Variants in LMNB1 observed in about 807,000 individuals in gnomAD.
LMNB1 encodes the protein lamin B1.
In LMNB1, 23 loss-of-function variants were observed where a neutral mutation model predicts 67.1. That is an observed-to-expected ratio of 0.34 (90% confidence interval 0.25 to 0.49). The LOEUF (loss-of-function observed/expected upper bound fraction) is 0.49. Ranked by LOEUF, LMNB1 falls within the 20% of genes least tolerant of loss-of-function variation. The pLI, the probability that LMNB1 is intolerant of heterozygous loss-of-function variation, is 0.99. For missense variants in LMNB1, 634 were observed against 746.5 expected (o/e 0.85, Z 1.76); for synonymous variants, 281 against 282.9 (o/e 0.99, Z 0.07).
In LMNB1 at chr5:126,836,553, T is replaced by C; in HGVS notation, c.*289T>C. 3.1e-6 allele frequency: 1 copy of C among 322,456 alleles called. No individual in the cohort carries two copies. The highest frequency in any genetic ancestry group is 1.3e-4 in the South Asian group (1 of 7,660). The allele number at this position is 322,456 out of a possible 1,614,324, so 20.0% of individuals were successfully genotyped here. On this transcript the variant is annotated 3_prime_UTR_variant, in exon 11 of 11. Transcript: ENST00000261366. ...ACTTTTTTTGTATGTGTGTTTTTTCTTTTTTTTTAAGTTCTTATGAGGAGG... is the reference window on the plus strand; with the variant it reads ...ACTTTTTTTGTATGTGTGTTTTTTCCTTTTTTTTAAGTTCTTATGAGGAGG...
At chr5:126,806,749 T>C (rs1751441962) in intron 3 of LMNB1, among the ~76,000 whole-genome samples, 1 of 152,048 alleles carries the variant, frequency 6.6e-6, no homozygotes, top group Non-Finnish European at 1.5e-5. Context: ...CATCTGGAAA[T>C]GCGGCTACTC....
chr5:126,784,153 TA>T (rs1296518716), intron 1 of LMNB1, among the ~76,000 whole-genome samples: 1 of 148,562 alleles, frequency 6.7e-6, no homozygotes. Flanking sequence ...GCCTCCCAAG[TA>T]GCTGGGATTA....
intron 1 of LMNB1, among the ~76,000 whole-genome samples, chr5:126,796,953 T>A (rs1023372941): frequency 6.6e-6 from 1 of 152,128 alleles, no homozygotes; most frequent in Non-Finnish European, 1.5e-5. Flanking sequence ...CATGTCCGGC[T>A]AATTTTTGTA....
At chr5:126,819,251 A>G (rs951479732) in intron 6 of LMNB1, 109 bp downstream of exon 6, 15 of 720,740 alleles carry the variant, frequency 2.1e-5, no homozygotes, top group Non-Finnish European at 3.2e-5. Context: ...TTTCTTGGTC[A>G]TTTCTTTGAA....
At chr5:126,794,572 C>T (rs769338052) in intron 1 of LMNB1, among the ~76,000 whole-genome samples, 30 of 152,114 alleles carry the variant, frequency 2.0e-4, no homozygotes, top group South Asian at 1.0e-3. Flanking sequence ...TCCCCAGACA[C>T]GGATTTGTGT....
At chr5:126,779,637 G>A (rs549414829) in intron 1 of LMNB1, among the ~76,000 whole-genome samples, 24 of 152,310 alleles carry the variant, frequency 1.6e-4, no homozygotes, top group Non-Finnish European at 2.8e-4. Context: ...GGTGGCTCAC[G>A]CCTGTAATCC....
At position 126,789,649 on chromosome 5, in the gene LMNB1, A is replaced by C. The variant is rs184947606; in HGVS notation, c.359+11782A>C. On this transcript the variant is annotated intron_variant, in intron 1 of 10. Coordinates refer to ENST00000261366, the MANE Select transcript of LMNB1 (RefSeq NM_005573.4). ...GTCCCGTTTACTGTGATCCTCTTAA[A>C]ATAGGGACTTTGCATTTGGAGTTTC... 1.8e-4 allele frequency among the ~76,000 whole-genome samples: 28 copies of C among 152,190 alleles called. 1 individual carries two copies. Among genetic ancestry groups the C allele is most frequent in the African/African-American group, 6.3e-4 (26 of 41,518 alleles).
At chr5:126,815,623 T>A (rs529399953) in intron 5 of LMNB1, among the ~76,000 whole-genome samples, 2 of 152,304 alleles carry the variant, frequency 1.3e-5, no homozygotes, top group African/African-American at 4.8e-5. Context: ...AGTGGCAAGA[T>A]CTGAGAGATC....
chr5:126,815,855 C>A (rs1410652950), intron 5 of LMNB1, among the ~76,000 whole-genome samples: 2 of 152,104 alleles, frequency 1.3e-5, no homozygotes, highest in Non-Finnish European at 2.9e-5. Flanking sequence ...CAGAATGATT[C>A]AGAGTAACTT....
At chr5:126,784,372 T>C (rs1219270513) in intron 1 of LMNB1, among the ~76,000 whole-genome samples, 1 of 149,538 alleles carries the variant, frequency 6.7e-6, no homozygotes, top group Non-Finnish European at 1.5e-5. Flanking sequence ...TTTTATTTTT[T>C]TGAGGCAGGG....
At chr5:126,793,596 C>G (rs1289532811) in intron 1 of LMNB1, among the ~76,000 whole-genome samples, 1 of 152,248 alleles carries the variant, frequency 6.6e-6, no homozygotes, top group Middle Eastern at 3.4e-3. Context: ...ATCACAAGGC[C>G]GGGCATGGTG....
Position 126,777,684 on chromosome 5 carries a change from C to CGCTGCA in LMNB1, c.184_189dup (p.Leu62_Gln63dup). On this transcript the variant is annotated inframe_insertion, in exon 1 of 11. Transcript: ENST00000261366. ...CGCAGCCTGGAGACGGAGAACAGCG[C>CGCTGCA]GCTGCAGCTGCAGGTGACGGAGCGC... The CGCTGCA allele has an allele frequency of 6.5e-7, 1 of 1,545,328 alleles. No homozygotes were observed. Among genetic ancestry groups the CGCTGCA allele is most frequent in the South Asian group, 1.2e-5 (1 of 83,516 alleles).
At chr5:126,799,087 G>A (rs928033294) in intron 1 of LMNB1, among the ~76,000 whole-genome samples, 1 of 147,214 alleles carries the variant, frequency 6.8e-6, no homozygotes, top group African/African-American at 2.5e-5. Context: ...GCGCAATCTC[G>A]GCTCACTGCA....
intron 4 of LMNB1, among the ~76,000 whole-genome samples, chr5:126,810,737 C>T (rs1225258647): frequency 6.6e-6 from 1 of 152,222 alleles, no homozygotes; most frequent in Non-Finnish European, 1.5e-5. Flanking sequence ...CATTAGATCT[C>T]ACTTTCATGT....
chr5:126,777,642 T>C lies in LMNB1; in HGVS notation c.134T>C (p.Val45Ala), dbSNP rs1431916973. 6.5e-7 allele frequency: 1 copy of C among 1,543,150 alleles called. No homozygotes were observed. Among genetic ancestry groups the C allele is most frequent in the Non-Finnish European group, 8.7e-7 (1 of 1,144,314 alleles). Residue 45 changes from valine (V) to alanine (A), a missense_variant, in exon 1 of 11, where the codon GTG (valine) becomes GCG (alanine). Val to Ala is a moderately conservative substitution (Grantham distance 64, BLOSUM62 0). Transcript: ENST00000261366. ...ELRELNDRLA[V>A]YIDKVRSLET... ...CGCGAGCTCAATGACCGGCTGGCGG[T>C]GTACATCGACAAGGTGCGCAGCCTG... is the stretch of plus-strand genomic sequence containing the variant.
At chr5:126,815,876 A>G (rs1229801798) in intron 5 of LMNB1, among the ~76,000 whole-genome samples, 3 of 152,206 alleles carry the variant, frequency 2.0e-5, no homozygotes, top group East Asian at 1.9e-4. Flanking sequence ...TAAAATTTTT[A>G]TACCTAGATT....
chr5:126,804,746 G>C, intron 1 of LMNB1, 30 bp from the exon 2 acceptor site: 2 of 1,604,054 alleles, frequency 1.2e-6, no homozygotes, highest in Non-Finnish European at 1.7e-6. Context: ...AGTATGGTTT[G>C]ATGTCTTATG....
At chr5:126,792,827 C>T (rs894053816) in intron 1 of LMNB1, among the ~76,000 whole-genome samples, 3 of 151,994 alleles carry the variant, frequency 2.0e-5, no homozygotes, top group Non-Finnish European at 2.9e-5. Flanking sequence ...CCACCCGCCT[C>T]GGCCTCCCAA....
At chr5:126,804,049 C>T (rs1376621427) in intron 1 of LMNB1, among the ~76,000 whole-genome samples, 2 of 151,452 alleles carry the variant, frequency 1.3e-5, no homozygotes, top group South Asian at 4.2e-4. Flanking sequence ...TTAAAATAAC[C>T]TTTTCTTCTC....
Sources: allele counts gnomAD v4.1 joint callset (sites outside exome capture counted in the v4.1 genomes callset), GRCh38; gene constraint gnomAD v4.1.1; transcripts MANE v1.5; gene names NCBI Gene and HGNC (gene_info 2026-07-23, HGNC 2026-07-21).